VPS35L: variants seen among roughly 807,000 people sequenced by gnomAD.
VPS35L encodes the protein VPS35 endosomal protein sorting factor like.
A neutral mutation model predicts 133.0 loss-of-function variants in VPS35L; 83 were observed. The observed-to-expected ratio is 0.62, with a 90% CI of 0.52 to 0.75. VPS35L has a LOEUF of 0.75. Among genes scored for constraint, VPS35L ranks in the 30% least tolerant of loss-of-function variants. The pLI is 0.00. For synonymous variants in VPS35L, 423 were observed against 449.9 expected (o/e 0.94, Z 0.76); for missense variants, 1,083 against 1,206.8 (o/e 0.90, Z 1.52).
At chr16:19,643,733 G>A (rs1356921987) in intron 22 of VPS35L, among the ~76,000 whole-genome samples, 1 of 151,934 alleles carries the variant, frequency 6.6e-6, no homozygotes, top group Admixed American at 6.6e-5. Context: ...ATCACCTGAG[G>A]TCAGGAGTTT....
intron 28 of VPS35L, among the ~76,000 whole-genome samples, chr16:19,690,500 ATC>A (rs1236254378): frequency 1.3e-5 from 2 of 152,166 alleles, no homozygotes; most frequent in African/African-American, 4.8e-5. Flanking sequence ...GAAATAGAAA[ATC>A]TCTGCAGTCC....
intron 1 of VPS35L, among the ~76,000 whole-genome samples, chr16:19,560,751 A>G (rs922898130): frequency 5.3e-5 from 8 of 152,008 alleles, no homozygotes; most frequent in Middle Eastern, 6.9e-3. Context: ...AGCCGAGATC[A>G]TGCCACTGCA....
rs201454411 is a variant in VPS35L at position 19,666,299 on chromosome 16, TA to T, written c.2222-2852del. On this transcript the variant is annotated intron_variant, in intron 26 of 30. Coordinates refer to ENST00000417362, the MANE Select transcript of VPS35L (RefSeq NM_020314.7). ...GAGTTCTCCTTTTTCTGTAGGTCTT[TA>T]AAAAAAAATCCGTTATATCTTAAAT... Among the ~76,000 whole-genome samples, 396 of 151,668 alleles carry T rather than the reference TA, an allele frequency of 2.6e-3. 3 individuals carry two copies. The highest frequency in any genetic ancestry group is 0.016 in the Admixed American group (242 of 15,218).
chr16:19,698,438 A>G (rs1276572104), intron 29 of VPS35L, among the ~76,000 whole-genome samples: 1 of 152,004 alleles, frequency 6.6e-6, no homozygotes, highest in Non-Finnish European at 1.5e-5. Flanking sequence ...TCGAGGGCCC[A>G]CTCAGGTCAT....
intron 27 of VPS35L, among the ~76,000 whole-genome samples, chr16:19,680,692 G>A (rs538929427): frequency 3.4e-4 from 51 of 152,210 alleles, no homozygotes; most frequent in African/African-American, 1.2e-3. Context: ...CAGGTGGATC[G>A]CTTGAGCCCA....
At chr16:19,656,082 G>A (rs915666430) in intron 26 of VPS35L, among the ~76,000 whole-genome samples, 5 of 151,840 alleles carry the variant, frequency 3.3e-5, no homozygotes, top group African/African-American at 2.4e-5. Flanking sequence ...GGCCAACATG[G>A]TGAAACCCCG....
In VPS35L at chr16:19,616,839, C is replaced by T. The variant is rs183974778; in HGVS notation, c.1224+31C>T. The T allele has an allele frequency of 1.3e-4, 204 of 1,614,102 alleles. No individual in the cohort carries two copies. The East Asian group carries it at 4.3e-3, about 34-fold the overall frequency. ...TGCCAGGTGGCTTCAGTGTGACGCT[C>T]ACCTCCTGTATGGTGACAGCCCCTG... On this transcript the variant is annotated intron_variant, in intron 14 of 30. Coordinates refer to ENST00000417362, the MANE Select transcript of VPS35L (RefSeq NM_020314.7).
At position 19,700,554 on chromosome 16, in the gene VPS35L, G is replaced by T. The variant is rs936268750; in HGVS notation, c.*78G>T. The T allele has an allele frequency of 8.3e-7, 1 of 1,201,522 alleles. No individual in the cohort carries two copies. The highest frequency in any genetic ancestry group is 1.3e-5 in the South Asian group (1 of 77,598). 74.4% of individuals were successfully genotyped at this position (1,201,522 alleles called of 1,614,324 possible). On this transcript the variant is annotated 3_prime_UTR_variant, in exon 31 of 31. Transcript: ENST00000417362. ...CTGCTCTGCTGCCCTGAACTCTTAC[G>T]GCAATTTAGGTTTCTCATTTTTCTT...
chr16:19,671,407 T>G (rs996625813), intron 27 of VPS35L, among the ~76,000 whole-genome samples: 4 of 150,084 alleles, frequency 2.7e-5, no homozygotes, highest in Non-Finnish European at 5.9e-5. Flanking sequence ...AGGCGGAGGT[T>G]GCAGTGAGCC....
chr16:19,631,988 G>T (rs561223194), intron 18 of VPS35L, among the ~76,000 whole-genome samples: 99 of 152,124 alleles, frequency 6.5e-4, no homozygotes, highest in African/African-American at 2.4e-3. Flanking sequence ...TTGAGATGGA[G>T]TCTCACTCCG....
At chr16:19,645,857 C>G (rs1020724587) in intron 23 of VPS35L, among the ~76,000 whole-genome samples, 8 of 152,336 alleles carry the variant, frequency 5.3e-5, no homozygotes, top group Admixed American at 1.3e-4. Context: ...GAAACTATGC[C>G]GGGCAGGCAA....
At chr16:19,675,557 T>C (rs923045481) in intron 27 of VPS35L, among the ~76,000 whole-genome samples, 3 of 151,972 alleles carry the variant, frequency 2.0e-5, no homozygotes, top group Non-Finnish European at 2.9e-5. Flanking sequence ...ATACTGTTTT[T>C]GTTTTGTTTT....
Position 19,579,111 on chromosome 16 carries a change from C to T in VPS35L, c.493C>T (p.Leu165=). The change falls in exon 6 of 31, where the codon CTG becomes TTG. Residue 165 remains leucine (L), a synonymous_variant. Coordinates refer to ENST00000417362, the MANE Select transcript of VPS35L (RefSeq NM_020314.7). ...SEKVRTRLEE[L]DDFEEGSQKE... is the part of the protein sequence containing the mutation. The stretch of plus-strand genomic sequence containing the variant: ...GAAGGTGCGGACCCGGCTGGAGGAG[C>T]TGGATGACTTTGAGGAGGTGAGCAA... 1.2e-6 allele frequency: 2 copies of T among 1,614,020 alleles called. No homozygotes were observed. The highest frequency in any genetic ancestry group is 1.7e-6 in the Non-Finnish European group (2 of 1,179,982).
chr16:19,691,508 T>G (rs1436669344), intron 29 of VPS35L, 37 bp downstream of exon 29: 1 of 1,531,292 alleles, frequency 6.5e-7, no homozygotes, highest in Non-Finnish European at 9.0e-7. Context: ...CGCCCCTTGC[T>G]CTGAAAGCAC....
At chr16:19,593,472 C>T (rs1021820953) in intron 8 of VPS35L, among the ~76,000 whole-genome samples, 4 of 152,292 alleles carry the variant, frequency 2.6e-5, no homozygotes, top group Middle Eastern at 6.8e-3. Context: ...TCCAAGAGAC[C>T]GGAGGCCTGA....
intron 14 of VPS35L, among the ~76,000 whole-genome samples, chr16:19,618,429 A>AT (rs1487411191): frequency 2.0e-5 from 3 of 152,214 alleles, no homozygotes; most frequent in African/African-American, 7.2e-5. Flanking sequence ...TGGTATGTGC[A>AT]TTCAGTGGGG....
intron 2 of VPS35L, among the ~76,000 whole-genome samples, chr16:19,566,275 C>T (rs1455998226): frequency 6.6e-6 from 1 of 152,192 alleles, no homozygotes; most frequent in Non-Finnish European, 1.5e-5. Context: ...GTGGGTGGAT[C>T]ACCTGAGGTC....
At chr16:19,560,125 C>G (rs1970981913) in intron 1 of VPS35L, among the ~76,000 whole-genome samples, 1 of 152,214 alleles carries the variant, frequency 6.6e-6, no homozygotes, top group African/African-American at 2.4e-5. Flanking sequence ...TATAGATAAT[C>G]TATGGAACTA....
chr16:19,665,045 T>C (rs1974618101), intron 26 of VPS35L, among the ~76,000 whole-genome samples: 1 of 152,142 alleles, frequency 6.6e-6, no homozygotes, highest in Admixed American at 6.6e-5. Flanking sequence ...TAAAAAAATT[T>C]TTGTGGGTAC....
Sources: gnomAD v4.1 joint callset for allele counts (sites outside exome capture counted in the v4.1 genomes callset) on GRCh38, gnomAD v4.1.1 for gene constraint, MANE v1.5 for transcripts, NCBI Gene and HGNC (gene_info 2026-07-23, HGNC 2026-07-21) for gene names.